The following SUGCT variants were observed in gnomAD, a reference collection of about 807,000 sequenced individuals.
SUGCT encodes succinyl-CoA:glutarate-CoA transferase, also known as succinyl-CoA:glutarate CoA-transferase.
Under a neutral mutation model 55.0 loss-of-function variants are expected in SUGCT, and 41 were observed. The ratio of observed to expected loss-of-function variants is 0.74; its 90% CI spans 0.58 to 0.97. The LOEUF (loss-of-function observed/expected upper bound fraction) is 0.97, where lower values mean the gene tolerates loss of function less well. SUGCT is among the 50% of genes least tolerant of loss of function. The probability of loss-of-function intolerance (pLI) is 0.00; values close to 1 mark genes in which losing one functional copy is unlikely to be tolerated. For synonymous variants in SUGCT, 187 were observed against 200.4 expected (o/e 0.93, Z 0.56); for missense variants, 568 against 547.8 (o/e 1.04, Z -0.37).
chr7:40,839,518 A>G (rs570520939), intron 13 of SUGCT, among the ~76,000 whole-genome samples: 85 of 152,348 alleles, frequency 5.6e-4, no homozygotes, highest in African/African-American at 1.9e-3. Context: ...ATAATTCTAC[A>G]GTGAAACCAT....
At chr7:40,567,789 G>C (rs561873605) in intron 12 of SUGCT, among the ~76,000 whole-genome samples, 1 of 152,148 alleles carries the variant, frequency 6.6e-6, no homozygotes, top group Admixed American at 6.5e-5. Flanking sequence ...TAAGTAAACC[G>C]TGTCTTCAGA....
chr7:40,427,763 A>G (rs1246889155), intron 9 of SUGCT, among the ~76,000 whole-genome samples: 1 of 152,178 alleles, frequency 6.6e-6, no homozygotes, highest in Non-Finnish European at 1.5e-5. Context: ...GTAATGCAGG[A>G]TATGACATCT....
At chr7:40,553,497 A>G (rs1223842692) in intron 12 of SUGCT, among the ~76,000 whole-genome samples, 1 of 152,226 alleles carries the variant, frequency 6.6e-6, no homozygotes, top group Non-Finnish European at 1.5e-5. Flanking sequence ...TTATAATAAT[A>G]TATGAGAATT....
the SUGCT span, among the ~76,000 whole-genome samples, chr7:41,010,523 G>A: frequency 6.6e-6 from 1 of 152,232 alleles, no homozygotes; most frequent in Non-Finnish European, 1.5e-5. Context: ...CGGAAATTGA[G>A]AAACTGGTTC....
chr7:40,910,815 A>T, the SUGCT span, among the ~76,000 whole-genome samples: 1 of 152,278 alleles, frequency 6.6e-6, no homozygotes, highest in South Asian at 2.1e-4. Context: ...AATCCAAAAT[A>T]TATACACTAA....
chr7:40,348,893 G>A (rs1797466456), intron 9 of SUGCT, among the ~76,000 whole-genome samples: 1 of 152,016 alleles, frequency 6.6e-6, no homozygotes, highest in Non-Finnish European at 1.5e-5. Context: ...TCATATTTAA[G>A]GAAGAACATA....
the SUGCT span, among the ~76,000 whole-genome samples, chr7:40,868,995 T>G: frequency 2.0e-5 from 3 of 152,260 alleles, no homozygotes; most frequent in Admixed American, 1.3e-4. Context: ...TGTAACATTA[T>G]GTAAACTGGA....
intron 13 of SUGCT, among the ~76,000 whole-genome samples, chr7:40,842,761 A>G (rs1218704698): frequency 6.6e-6 from 1 of 152,184 alleles, no homozygotes; most frequent in Non-Finnish European, 1.5e-5. Flanking sequence ...CACAGCTGTT[A>G]GAATGTTTCA....
At chr7:40,660,318 G>C (rs1478253087) in intron 12 of SUGCT, among the ~76,000 whole-genome samples, 1 of 152,156 alleles carries the variant, frequency 6.6e-6, no homozygotes, top group Non-Finnish European at 1.5e-5. Context: ...GAGTGCAGTG[G>C]CATGATCTCG....
At chr7:40,996,038 G>C in the SUGCT span, among the ~76,000 whole-genome samples, 1 of 152,310 alleles carries the variant, frequency 6.6e-6, no homozygotes, top group South Asian at 2.1e-4. Flanking sequence ...TGTTTCTCCA[G>C]TGTGAGCAAT....
chr7:40,512,742 A>G (rs1396272403), intron 12 of SUGCT, among the ~76,000 whole-genome samples: 1 of 152,096 alleles, frequency 6.6e-6, no homozygotes, highest in African/African-American at 2.4e-5. Flanking sequence ...AGTAACTGGC[A>G]TAGAAATGGT....
chr7:40,781,212 T>A (rs1395238908), intron 13 of SUGCT, among the ~76,000 whole-genome samples: 1 of 152,200 alleles, frequency 6.6e-6, no homozygotes, highest in Non-Finnish European at 1.5e-5. Context: ...TTCTCAAGGC[T>A]TTCTTATTAT....
chr7:40,998,343 G>C, the SUGCT span, among the ~76,000 whole-genome samples: 2 of 151,878 alleles, frequency 1.3e-5, no homozygotes, highest in African/African-American at 2.4e-5. Flanking sequence ...CTGCACTCCA[G>C]CTTGGGCGAC....
rs57321637 is a variant in SUGCT, at chr7:40,189,530, T to A, written c.313-14T>A. 3.8e-3 allele frequency: 3,711 copies of A among 979,136 alleles called. 56 individuals carry two copies. In the African/African-American group the frequency reaches 0.044, roughly 12 times the overall value. The allele number at this position is 979,136 out of a possible 1,614,324, so 60.7% of individuals were successfully genotyped here. A position where few individuals can be genotyped will look rare whatever the true frequency, so the allele number is the denominator to read the frequency against. Reference sequence around the variant, plus strand: ...ATCGAAATAATATATATATATATATTTTTTAATTTTTAGAGTATTGCTGTT... The same window carrying A: ...ATCGAAATAATATATATATATATATATTTTAATTTTTAGAGTATTGCTGTT... On this transcript the variant is annotated splice_polypyrimidine_tract_variant and intron_variant, in intron 4 of 13. Coordinates refer to ENST00000335693, the MANE Select transcript of SUGCT (RefSeq NM_001193313.2).
intron 9 of SUGCT, among the ~76,000 whole-genome samples, chr7:40,442,910 C>G (rs1456390478): frequency 6.6e-6 from 1 of 152,136 alleles, no homozygotes; most frequent in Non-Finnish European, 1.5e-5. Flanking sequence ...GTGTGATGCT[C>G]TCCATCCAAT....
At chr7:40,964,150 G>GAA in the SUGCT span, among the ~76,000 whole-genome samples, 1 of 152,128 alleles carries the variant, frequency 6.6e-6, no homozygotes, top group South Asian at 2.1e-4. Context: ...TATTCATTTT[G>GAA]TATCAATGAA....
At chr7:40,835,063 T>C (rs1792890878) in intron 13 of SUGCT, among the ~76,000 whole-genome samples, 1 of 152,216 alleles carries the variant, frequency 6.6e-6, no homozygotes, top group African/African-American at 2.4e-5. Flanking sequence ...TTCTTTACTG[T>C]CCAATATGAT....
At chr7:40,164,104 G>T (rs1207401157) in intron 1 of SUGCT, among the ~76,000 whole-genome samples, 1 of 150,190 alleles carries the variant, frequency 6.7e-6, no homozygotes, top group Non-Finnish European at 1.5e-5. Context: ...ATAGGCGTGA[G>T]CCACCATGCC....
At chr7:40,147,525 T>C (rs529248363) in intron 1 of SUGCT, among the ~76,000 whole-genome samples, 1 of 152,346 alleles carries the variant, frequency 6.6e-6, no homozygotes, top group African/African-American at 2.4e-5. Context: ...AGGAATACTT[T>C]ACCACCCCGC....
Sources: allele counts gnomAD v4.1 joint callset (sites outside exome capture counted in the v4.1 genomes callset), GRCh38; gene constraint gnomAD v4.1.1; transcripts MANE v1.5; gene names NCBI Gene and HGNC (gene_info 2026-07-23, HGNC 2026-07-21).